The following LAMB3 variants were observed in gnomAD, a reference collection of about 807,000 sequenced individuals.
LAMB3 encodes laminin subunit beta 3.
A neutral mutation model predicts 140.3 loss-of-function variants in LAMB3; 104 were observed. The observed-to-expected ratio is 0.74, with a 90% CI of 0.63 to 0.87. LAMB3 has a LOEUF of 0.87. Ranked by LOEUF, LAMB3 falls within the 40% of genes least tolerant of loss-of-function variation. The pLI is 0.00. For missense variants in LAMB3, 1,531 were observed against 1,575.2 expected (o/e 0.97, Z 0.47); for synonymous variants, 592 against 602.9 (o/e 0.98, Z 0.26).
At position 209,629,821 on chromosome 1, in the gene LAMB3, T is replaced by G; in HGVS notation, c.1048A>C (p.Thr350Pro). The change falls in exon 10 of 23, where the codon ACC (threonine) becomes CCC (proline). Residue 350 changes from threonine to proline, a missense_variant. Thr to Pro is a conservative substitution (Grantham distance 38). Transcript: ENST00000356082. ...GGVCDNCRDH[T>P]EGKNCERCQL... ...CACCGCTCACAGTTCTTGCCTTCGG[T>G]GTGGTCCCGGCAATTGTCACACACA... 3 of 1,613,940 alleles carry G rather than the reference T, an allele frequency of 1.9e-6. No individual in the cohort carries two copies. Among genetic ancestry groups the G allele is most frequent in the Non-Finnish European group, 2.5e-6 (3 of 1,180,042 alleles).
chr1:209,625,600 C>G, intron 14 of LAMB3, 48 bp downstream of exon 14: 1 of 1,611,476 alleles, frequency 6.2e-7, no homozygotes, highest in South Asian at 1.1e-5. Flanking sequence ...GGTACTGGAA[C>G]CCCTGGAGCA....
At chr1:209,626,690 G>T (rs1226705503) in intron 13 of LAMB3, among the ~76,000 whole-genome samples, 177 bp downstream of exon 13, 2 of 152,250 alleles carry the variant, frequency 1.3e-5, no homozygotes, top group East Asian at 3.8e-4. Context: ...TGCCTCAGGG[G>T]CTTGGAGGCC....
rs753862334 is a variant in LAMB3, at chr1:209,634,519, C to G, written c.492G>C (p.Arg164=). ...ACCGAACATCCTGCCAGCTCTGAGG[C>G]CGACCCTGGCGGACCCGAGGGAAGG... ...TSTFPRVRQG[R]PQSWQDVRCQ... Residue 164 remains arginine (R), a synonymous_variant, in exon 6 of 23, where the codon CGG becomes CGC. Coordinates refer to ENST00000356082, the MANE Select transcript of LAMB3 (RefSeq NM_000228.3). 4.3e-6 allele frequency: 7 copies of G among 1,614,144 alleles called. No homozygotes were observed. In the South Asian group the frequency reaches 7.7e-5, roughly 18 times the overall value.
At chr1:209,651,389 T>A (rs2102468551) in intron 1 of LAMB3, 1 of 224,166 alleles carries the variant, frequency 4.5e-6, no homozygotes, top group East Asian at 9.8e-5. Context: ...CTGGCTTTTC[T>A]CAGGGCCTAG....
In LAMB3 at chr1:209,617,903, T is replaced by C; in HGVS notation, c.3051+4A>G. On this transcript the variant is annotated splice_donor_region_variant and intron_variant, in intron 20 of 22. Transcript: ENST00000356082. ...TATGGGCGGAGGAAGCCATAATGCC[T>C]CACCTCAGCAACCCTGTCCTGGATA... 1 of 1,614,164 alleles carries C rather than the reference T, an allele frequency of 6.2e-7. No homozygotes were observed. The highest frequency in any genetic ancestry group is 1.1e-5 in the South Asian group (1 of 91,088).
At chr1:209,645,220 C>G (rs1304096530) in intron 3 of LAMB3, among the ~76,000 whole-genome samples, 1 of 152,140 alleles carries the variant, frequency 6.6e-6, no homozygotes, top group East Asian at 1.9e-4. Context: ...TCGTGGGTCC[C>G]TTTGCAAAAG....
chr1:209,637,533 G>A, intron 5 of LAMB3, among the ~76,000 whole-genome samples: 1 of 152,122 alleles, frequency 6.6e-6, no homozygotes, highest in Admixed American at 6.5e-5. Context: ...TAGTTGGATA[G>A]GCAAGTTCTT....
Position 209,632,574 on chromosome 1 carries a change from GGCTGTTACCT to G in LAMB3, c.821_822+8del. ...CCCTTCCTCTCCCCTTCCCACCCTA[GGCTGTTACCT>G]GCACAGCGGTGGAGGGGCCTGCAGA... On this transcript the variant is annotated splice_donor_variant and splice_donor_5th_base_variant and coding_sequence_variant and intron_variant, in exon 8 of 23. Transcript: ENST00000356082. LOFTEE classifies it high-confidence loss of function. The G allele has an allele frequency of 6.2e-7, 1 of 1,612,338 alleles. No individual in the cohort carries two copies. The highest frequency in any genetic ancestry group is 8.5e-7 in the Non-Finnish European group (1 of 1,178,578).
intron 2 of LAMB3, 47 bp from the exon 3 acceptor site, chr1:209,650,165 C>T (rs2076553701): frequency 6.4e-7 from 1 of 1,566,634 alleles, no homozygotes; most frequent in East Asian, 2.3e-5. Flanking sequence ...AAAAAAGGGA[C>T]CTCACTGGCC....
At chr1:209,645,722 GAA>G (rs36106096) in intron 3 of LAMB3, among the ~76,000 whole-genome samples, 5 of 137,392 alleles carry the variant, frequency 3.6e-5, no homozygotes, top group Non-Finnish European at 3.2e-5. Flanking sequence ...TGTCCCAGGG[GAA>G]AAAAAAAAAA....
intron 21 of LAMB3, among the ~76,000 whole-genome samples, 192 bp downstream of exon 21, chr1:209,617,218 C>G (rs1448885642): frequency 6.6e-6 from 1 of 152,186 alleles, no homozygotes; most frequent in African/African-American, 2.4e-5. Context: ...TGTCCCTGAG[C>G]CAGCTATACC....
intron 18 of LAMB3, among the ~76,000 whole-genome samples, chr1:209,621,937 A>C (rs1386968745): frequency 2.6e-5 from 4 of 152,230 alleles, no homozygotes; most frequent in Admixed American, 2.6e-4. Context: ...GTGACAATCC[A>C]CTTGTTGACA....
intron 3 of LAMB3, among the ~76,000 whole-genome samples, chr1:209,649,758 A>T (rs1183463828): frequency 1.3e-5 from 2 of 152,224 alleles, no homozygotes; most frequent in East Asian, 3.9e-4. Flanking sequence ...TATTTAGTTA[A>T]TTCTGAGTAC....
chr1:209,647,778 C>G (rs2298923), intron 3 of LAMB3, among the ~76,000 whole-genome samples: 2 of 152,172 alleles, frequency 1.3e-5, no homozygotes, highest in East Asian at 3.8e-4. Context: ...AGTCTAAGAT[C>G]CCAGCACACA....
chr1:209,634,567 G>A lies in LAMB3; in HGVS notation c.444C>T (p.Tyr148=), dbSNP rs200607251. ...AGGTGGAGGTGCAGTCGGCAGCCAG[G>A]TACTGGTACACTCGCCAGGTCTTAC... ...DFGKTWRVYQ[Y]LAADCTSTFP... The change falls in exon 6 of 23, where the codon TAC becomes TAT. Residue 148 remains tyrosine (Y), a synonymous_variant. Coordinates refer to ENST00000356082, the MANE Select transcript of LAMB3 (RefSeq NM_000228.3). 10 of 1,614,134 alleles carry A rather than the reference G, an allele frequency of 6.2e-6. No individual in the cohort carries two copies. In the East Asian group the frequency reaches 2.2e-4, roughly 36 times the overall value.
At chr1:209,617,261 C>T (rs977439609) in intron 21 of LAMB3, 149 bp downstream of exon 21, 2 of 875,140 alleles carry the variant, frequency 2.3e-6, no homozygotes, top group South Asian at 2.8e-5. Flanking sequence ...AGATGCCTGG[C>T]CAGGTTTGGG....
intron 5 of LAMB3, among the ~76,000 whole-genome samples, chr1:209,634,917 T>TTCTCTCTCTCTCTCTCTCTCTC (rs59855467): frequency 3.7e-5 from 5 of 136,142 alleles, no homozygotes; most frequent in African/African-American, 1.4e-4. Flanking sequence ...CCATTTTTTA[T>TTCTCTCTCTCTCTCTCTCTCTC]TCTCTCTCTC....
chr1:209,643,894 G>A (rs1041576703), intron 3 of LAMB3, among the ~76,000 whole-genome samples: 13 of 152,122 alleles, frequency 8.5e-5, no homozygotes, highest in African/African-American at 2.7e-4. Context: ...AGGGTTGAAT[G>A]AGATAATAAA....
At chr1:209,644,174 A>C (rs1437510281) in intron 3 of LAMB3, among the ~76,000 whole-genome samples, 1 of 152,242 alleles carries the variant, frequency 6.6e-6, no homozygotes, top group Non-Finnish European at 1.5e-5. Flanking sequence ...AATGAAGATC[A>C]AAAGGCAGCA....
Sources: gnomAD v4.1 joint callset for allele counts (sites outside exome capture counted in the v4.1 genomes callset) on GRCh38, gnomAD v4.1.1 for gene constraint, MANE v1.5 for transcripts, NCBI Gene and HGNC (gene_info 2026-07-23, HGNC 2026-07-21) for gene names.